LAPTM4B: variants seen among roughly 807,000 people sequenced by gnomAD.
LAPTM4B encodes the protein lysosomal protein transmembrane 4 beta, also known as lysosomal-associated transmembrane protein 4B.
A neutral mutation model predicts 28.5 loss-of-function variants in LAPTM4B; 26 were observed. The observed-to-expected ratio is 0.91, with a 90% CI of 0.67 to 1.27. LAPTM4B has a LOEUF of 1.27. Among genes scored for constraint, LAPTM4B ranks in the 50% most tolerant of loss-of-function variants. The pLI, the probability that LAPTM4B is intolerant of heterozygous loss-of-function variation, is 0.00. For missense variants in LAPTM4B, 288 were observed against 285.8 expected, an observed-to-expected ratio of 1.01 and a Z score of -0.06; for synonymous variants, 109 against 106.4, an observed-to-expected ratio of 1.02 and a Z score of -0.15.
chr8:97,796,067 G>C lies in LAPTM4B; in HGVS notation c.100-9286G>C, dbSNP rs569439207. Among the ~76,000 whole-genome samples, 778 of 151,542 alleles carry C rather than the reference G, an allele frequency of 5.1e-3. 5 individuals are homozygous for C. Among genetic ancestry groups the C allele is most frequent in the Middle Eastern group, 0.048 (14 of 292 alleles). ...CGATCCTCTTGCCTTGGCCCCCCCA[G>C]TAGCTGGGACTACAGGCATGCGCCA... On this transcript the variant is annotated intron_variant, in intron 1 of 6. Transcript: ENST00000521545.
intron 2 of LAPTM4B, among the ~76,000 whole-genome samples, chr8:97,810,775 T>C (rs1816814463): frequency 6.6e-6 from 1 of 152,214 alleles, no homozygotes; most frequent in African/African-American, 2.4e-5. Context: ...TGTGGTAGAT[T>C]TGTCTTTCTG....
At chr8:97,808,206 G>A (rs992261649) in intron 2 of LAPTM4B, among the ~76,000 whole-genome samples, 1 of 151,970 alleles carries the variant, frequency 6.6e-6, no homozygotes, top group African/African-American at 2.4e-5. Context: ...CCAGCACTTT[G>A]GGAGGCCAAG....
intron 5 of LAPTM4B, among the ~76,000 whole-genome samples, chr8:97,821,542 TGTAGGGGTGGACAGGTGAGGACGTGAGGA>T (rs1348245454): frequency 3.4e-4 from 43 of 127,512 alleles, no homozygotes; most frequent in African/African-American, 2.3e-3. Flanking sequence ...GACGTGTGGA[TGTAGGGGTGGACAGGTGAGGACGTGAGGA>T]TAGAAAGGTA....
At chr8:97,786,684 G>T (rs1159493877) in intron 1 of LAPTM4B, among the ~76,000 whole-genome samples, 1 of 149,016 alleles carries the variant, frequency 6.7e-6, no homozygotes, top group African/African-American at 2.5e-5. Context: ...GGGCAACAGA[G>T]CGAGACTCCC....
rs549896084 is a variant in LAPTM4B, at chr8:97,831,417, C to A, written c.603+6264C>A. Among the ~76,000 whole-genome samples, 6 of 152,190 alleles carry A rather than the reference C, an allele frequency of 3.9e-5. No homozygotes were observed. In the South Asian group the frequency reaches 1.2e-3, roughly 32 times the overall value. ...TGCCAATCTTTTGTGGGGGTAAATC[C>A]TCGGGCTTGGTGTGTGGGAAAGGGA... On this transcript the variant is annotated intron_variant, in intron 6 of 6. Transcript: ENST00000521545.
At chr8:97,801,012 G>A (rs1402811775) in intron 1 of LAPTM4B, among the ~76,000 whole-genome samples, 1 of 151,750 alleles carries the variant, frequency 6.6e-6, no homozygotes, top group African/African-American at 2.4e-5. Context: ...CACACTGTAC[G>A]ACTTCCTCAC....
intron 6 of LAPTM4B, among the ~76,000 whole-genome samples, chr8:97,848,071 C>T (rs532807816): frequency 2.5e-4 from 38 of 152,202 alleles, no homozygotes; most frequent in Non-Finnish European, 5.0e-4. Flanking sequence ...CTGGACCAGC[C>T]TGGCCAACGT....
intron 6 of LAPTM4B, among the ~76,000 whole-genome samples, chr8:97,844,689 G>A (rs1198340818): frequency 2.0e-5 from 3 of 152,052 alleles, no homozygotes; most frequent in African/African-American, 7.3e-5. Context: ...CACGTGTTCA[G>A]GCCCTACTTC....
intron 2 of LAPTM4B, 38 bp from the exon 3 acceptor site, chr8:97,815,290 T>A (rs1475075323): frequency 6.5e-7 from 1 of 1,543,546 alleles, no homozygotes; most frequent in South Asian, 1.1e-5. Context: ...CACTACTGAT[T>A]GTCTTTTTTA....
intron 6 of LAPTM4B, among the ~76,000 whole-genome samples, chr8:97,833,702 A>G (rs1037489526): frequency 6.6e-6 from 1 of 152,154 alleles, no homozygotes; most frequent in Non-Finnish European, 1.5e-5. Context: ...GTTTTGCAAG[A>G]CTACTTCATA....
At chr8:97,813,343 G>A (rs927530418) in intron 2 of LAPTM4B, among the ~76,000 whole-genome samples, 19 of 152,256 alleles carry the variant, frequency 1.2e-4, no homozygotes, top group African/African-American at 4.6e-4. Context: ...CAGCACGGGA[G>A]AAAGATGGAA....
chr8:97,789,509 C>T (rs942262059), intron 1 of LAPTM4B, among the ~76,000 whole-genome samples: 1 of 151,324 alleles, frequency 6.6e-6, no homozygotes, highest in African/African-American at 2.4e-5. Flanking sequence ...CTGACATACC[C>T]TACCATACCT....
intron 6 of LAPTM4B, among the ~76,000 whole-genome samples, chr8:97,845,973 G>C (rs1236473600): frequency 6.4e-5 from 9 of 141,516 alleles, no homozygotes; most frequent in Non-Finnish European, 1.4e-4. Context: ...TTTCACTGCA[G>C]CCTCAACTCC....
At chr8:97,838,589 A>G (rs1036585990) in intron 6 of LAPTM4B, among the ~76,000 whole-genome samples, 2 of 152,196 alleles carry the variant, frequency 1.3e-5, no homozygotes, top group African/African-American at 2.4e-5. Flanking sequence ...GAGGGGGACT[A>G]CAACCTGATC....
Position 97,775,942 on chromosome 8 carries a change from GGCTC to G in LAPTM4B, c.-67_-64del. ...AGGAGCCGGCAGCAGCGGCGCGGCG[GGCTC>G]CAGGCGAGGCGGTCGACGCTCCTGA... On this transcript the variant is annotated 5_prime_UTR_variant, in exon 1 of 7. Transcript: ENST00000521545. 6.7e-7 allele frequency: 1 copy of G among 1,482,862 alleles called. No individual in the cohort carries two copies. The highest frequency in any genetic ancestry group is 8.9e-7 in the Non-Finnish European group (1 of 1,125,822). The allele number at this position is 1,482,862 out of a possible 1,614,324, so 91.9% of individuals were successfully genotyped here.
intron 6 of LAPTM4B, among the ~76,000 whole-genome samples, chr8:97,846,197 C>G (rs1434276143): frequency 6.6e-6 from 1 of 151,760 alleles, no homozygotes; most frequent in East Asian, 1.9e-4. Flanking sequence ...TTATGAATGT[C>G]TGAAGACCCT....
intron 2 of LAPTM4B, 54 bp from the exon 3 acceptor site, chr8:97,815,274 T>C (rs1816890607): frequency 7.5e-7 from 1 of 1,333,194 alleles, no homozygotes. Flanking sequence ...AAGTATTCAG[T>C]GGATCCACTA....
At chr8:97,842,943 A>G (rs1817374998) in intron 6 of LAPTM4B, among the ~76,000 whole-genome samples, 1 of 151,674 alleles carries the variant, frequency 6.6e-6, no homozygotes, top group Non-Finnish European at 1.5e-5. Context: ...TGGTGGTGCA[A>G]ACTTGGCTTA....
intron 6 of LAPTM4B, among the ~76,000 whole-genome samples, chr8:97,826,826 T>G (rs1322482687): frequency 6.6e-6 from 1 of 152,218 alleles, no homozygotes; most frequent in Non-Finnish European, 1.5e-5. Context: ...CCCATTAACT[T>G]TTGCAGAAGG....
Sources: allele counts gnomAD v4.1 joint callset (sites outside exome capture counted in the v4.1 genomes callset), GRCh38; gene constraint gnomAD v4.1.1; transcripts MANE v1.5; gene names NCBI Gene and HGNC (gene_info 2026-07-23, HGNC 2026-07-21).